Variants in PBLD observed in about 807,000 individuals in gnomAD.
PBLD encodes phenazine biosynthesis like protein domain containing.
A neutral mutation model predicts 31.3 loss-of-function variants in PBLD; 26 were observed. That is an observed-to-expected ratio of 0.83 (90% CI 0.61 to 1.15). The LOEUF (loss-of-function observed/expected upper bound fraction) is 1.15, where lower values mean the gene tolerates loss of function less well. PBLD is among the 50% of genes most tolerant of loss of function. PBLD has a pLI of 0.00. For missense variants in PBLD, 307 were observed against 351.7 expected (o/e 0.87, Z 1.02); for synonymous variants, 114 against 129.0 (o/e 0.88, Z 0.79).
At chr10:68,319,047 A>AGAGAG (rs1564737339) in intron 1 of PBLD, among the ~76,000 whole-genome samples, 2 of 111,246 alleles carry the variant, frequency 1.8e-5, no homozygotes, top group African/African-American at 3.2e-5. Flanking sequence ...GAAAGAAAGA[A>AGAGAG]AGAGAGAGAA....
At chr10:68,326,587 C>G (rs2044924180) in intron 1 of PBLD, among the ~76,000 whole-genome samples, 4 of 152,190 alleles carry the variant, frequency 2.6e-5, no homozygotes, top group African/African-American at 9.7e-5. Context: ...TTTAAAAATT[C>G]TATTAAATTC....
chr10:68,288,914 G>A lies in PBLD; in HGVS notation c.512+17C>T, dbSNP rs1368355391. On this transcript the variant is annotated intron_variant, in intron 7 of 9. Coordinates refer to ENST00000358769, the MANE Select transcript of PBLD (RefSeq NM_022129.4). ...ACTCAGCCCTCCCCAAAGTGCTGATGCAGCCAAAAATCTTACCTGTTGTAA... is the reference window on the plus strand; with the variant it reads ...ACTCAGCCCTCCCCAAAGTGCTGATACAGCCAAAAATCTTACCTGTTGTAA... The A allele has an allele frequency of 3.1e-6, 5 of 1,610,938 alleles. No homozygotes were observed. Among genetic ancestry groups the A allele is most frequent in the East Asian group, 4.5e-5 (2 of 44,872 alleles).
chr10:68,288,626 T>C lies in PBLD; in HGVS notation c.548A>G (p.Asn183Ser). 6.2e-7 allele frequency: 1 copy of C among 1,614,160 alleles called. No individual in the cohort carries two copies. ...CCCTGTGTTTTCAACTTGCAGCAGA[T>C]TCTCCGTGTTCACTTTCAGGTTCTC... ...FLENLKVNTE[N>S]LLQVENTGKV... Residue 183 changes from asparagine (N) to serine (S), a missense_variant, in exon 8 of 10, where the codon AAT (asparagine) becomes AGT (serine). By Grantham distance (46) the Asn-to-Ser change is conservative. Transcript: ENST00000358769.
rs150886789 is a variant in PBLD at position 68,322,296 on chromosome 10, A to G, written c.-60+10488T>C. On this transcript the variant is annotated intron_variant, in intron 1 of 9. Transcript: ENST00000358769. ...AATGTAATGTGGTATCCTGGATGGG[A>G]TCCTGGAACAGAAAAAGGACATTAG... Among the ~76,000 whole-genome samples, 1,092 of 152,216 alleles carry G rather than the reference A, an allele frequency of 7.2e-3. 15 individuals carry two copies. The highest frequency in any genetic ancestry group is 0.024 in the African/African-American group (1,016 of 41,508).
chr10:68,309,069 T>C (rs2044623954), intron 1 of PBLD, among the ~76,000 whole-genome samples: 1 of 150,328 alleles, frequency 6.7e-6, no homozygotes, highest in South Asian at 2.1e-4. Flanking sequence ...ACAGTTTTCC[T>C]GTCACTGCAG....
chr10:68,309,811 A>C (rs556100287), intron 1 of PBLD, among the ~76,000 whole-genome samples: 1 of 135,412 alleles, frequency 7.4e-6, no homozygotes, highest in African/African-American at 2.6e-5. Context: ...GTCTCAAAAA[A>C]AAAAAAAAAA....
chr10:68,284,241 G>C lies in PBLD; in HGVS notation c.803C>G (p.Pro268Arg). 1 of 1,614,038 alleles carries C rather than the reference G, an allele frequency of 6.2e-7. No individual in the cohort carries two copies. The highest frequency in any genetic ancestry group is 8.5e-7 in the Non-Finnish European group (1 of 1,179,984). ...TCCTCTAATGTCAACCCTTCCGTCTGGACGAAGGGAAATTCCCAGCTCTCC... is the reference window on the plus strand; with the variant it reads ...TCCTCTAATGTCAACCCTTCCGTCTCGACGAAGGGAAATTCCCAGCTCTCC... ...RGGELGISLR[P>R]DGRVDIRGGA... Residue 268 changes from proline (P) to arginine (R), a missense_variant, in exon 10 of 10, where the codon CCA becomes CGA. Pro to Arg is a moderately radical substitution (Grantham distance 103). Coordinates refer to ENST00000358769, the MANE Select transcript of PBLD (RefSeq NM_022129.4).
At chr10:68,318,436 G>A (rs982646087) in intron 1 of PBLD, among the ~76,000 whole-genome samples, 4 of 148,066 alleles carry the variant, frequency 2.7e-5, no homozygotes, top group African/African-American at 5.0e-5. Flanking sequence ...GAGGCTGGAG[G>A]TTCCCTTGAG....
rs545796235 is a variant in PBLD at position 68,299,061 on chromosome 10, C to T, written c.85-2076G>A. Among the ~76,000 whole-genome samples the T allele has an allele frequency of 1.6e-4, 23 of 143,724 alleles. No homozygotes were observed. In the East Asian group the frequency reaches 4.6e-3, roughly 29 times the overall value. 94.3% of individuals were successfully genotyped at this position (143,724 alleles called of 152,430 possible). A position where few individuals can be genotyped will look rare whatever the true frequency, so the allele number is the denominator to read the frequency against. On this transcript the variant is annotated intron_variant, in intron 2 of 9. Transcript: ENST00000358769. ...GGCAGAGGTGGCAGTGAGCCAAGAT[C>T]GCGCCACTGCACTCCAGCCTGGGTG...
At chr10:68,293,538 C>T (rs1219214766) in intron 4 of PBLD, among the ~76,000 whole-genome samples, 3 of 152,192 alleles carry the variant, frequency 2.0e-5, no homozygotes, top group African/African-American at 7.2e-5. Context: ...ATAAAATTGA[C>T]ATTCAGAAAC....
Position 68,332,838 on chromosome 10 carries a change from G to T in PBLD, c.-114C>A, listed in dbSNP as rs1433446164. The T allele has an allele frequency of 1.3e-5, 2 of 152,414 alleles. No individual in the cohort carries two copies. Among genetic ancestry groups the T allele is most frequent in the Non-Finnish European group, 2.9e-5 (2 of 68,188 alleles). 9.4% of individuals were successfully genotyped at this position (152,414 alleles called of 1,614,324 possible). The stretch of plus-strand genomic sequence containing the variant: ...GACGCAGATTCCCAAGATGAGAGAG[G>T]CTGGAGCTGGGGGAGGAAAGCCAAT... On this transcript the variant is annotated 5_prime_UTR_variant, in exon 1 of 10. Transcript: ENST00000358769.
intron 6 of PBLD, among the ~76,000 whole-genome samples, chr10:68,290,315 C>A (rs1255338249): frequency 6.6e-6 from 1 of 152,136 alleles, no homozygotes; most frequent in Non-Finnish European, 1.5e-5. Context: ...ATGGGCTGAC[C>A]AATGTAACTT....
At position 68,282,898 on chromosome 10, in the gene PBLD, C is replaced by T. The variant is rs1279142595; in HGVS notation, c.*1279G>A. ...AACACTCTTAATGACTTGAAAAAGT[C>T]CCCATCCCAAAGTCAACTATAGGTA... On this transcript the variant is annotated 3_prime_UTR_variant, in exon 10 of 10. Coordinates refer to ENST00000358769, the MANE Select transcript of PBLD (RefSeq NM_022129.4). 6.6e-6 allele frequency: 1 copy of T among 152,060 alleles called. No individual in the cohort carries two copies. The highest frequency in any genetic ancestry group is 1.5e-5 in the Non-Finnish European group (1 of 68,024). The allele number at this position is 152,060 out of a possible 1,614,324, so 9.4% of individuals were successfully genotyped here. A position where few individuals can be genotyped will look rare whatever the true frequency, so the allele number is the denominator to read the frequency against.
rs1427919683 is a variant in PBLD at position 68,285,132 on chromosome 10, A to G, written c.754+216T>C. 2.9e-6 allele frequency: 4 copies of G among 1,364,482 alleles called. No homozygotes were observed. The African/African-American group carries it at 5.9e-5, about 20-fold the overall frequency. The allele number at this position is 1,364,482 out of a possible 1,614,324, so 84.5% of individuals were successfully genotyped here. On this transcript the variant is annotated intron_variant, in intron 9 of 9. Coordinates refer to ENST00000358769, the MANE Select transcript of PBLD (RefSeq NM_022129.4). ...CAAACACTTATTGGGCAGTTACTGT[A>G]TCTGTGTCTGTACAGTCTCTGTATG...
Position 68,289,404 on chromosome 10 carries a change from G to A in PBLD, c.424-385C>T, listed in dbSNP as rs186094620. On this transcript the variant is annotated intron_variant, in intron 6 of 9. Coordinates refer to ENST00000358769, the MANE Select transcript of PBLD (RefSeq NM_022129.4). ...TAGTCGGGCATGGTGGTGCACTCCT[G>A]TAATCTCAGCTACTCGGGAGGCTGA... 3.9e-4 allele frequency among the ~76,000 whole-genome samples: 60 copies of A among 152,166 alleles called. 2 individuals carry two copies. The East Asian group carries it at 9.1e-3, about 23-fold the overall frequency.
chr10:68,286,693 ACTT>A (rs1179451162), intron 8 of PBLD, among the ~76,000 whole-genome samples: 3 of 152,286 alleles, frequency 2.0e-5, no homozygotes, highest in South Asian at 2.1e-4. Context: ...CACCAAAAGA[ACTT>A]CTTTTTTAGT....
intron 1 of PBLD, among the ~76,000 whole-genome samples, chr10:68,308,882 T>TGTGTGTGTGTTTG (rs1480555644): frequency 1.7e-5 from 1 of 57,890 alleles, no homozygotes; most frequent in Non-Finnish European, 3.7e-5. Context: ...GTGTGTGTGT[T>TGTGTGTGTGTTTG]TGTGTGTGTG....
Position 68,318,520 on chromosome 10 carries a change from C to CTT in PBLD, c.-59-11619_-59-11618dup, listed in dbSNP as rs199741376. On this transcript the variant is annotated intron_variant, in intron 1 of 9. Coordinates refer to ENST00000358769, the MANE Select transcript of PBLD (RefSeq NM_022129.4). ...AGCCTTGGTAACAGAGATCCTGTCT[C>CTT]TTTTAAAAAAAAAAAAAAGACAACT... is the stretch of plus-strand genomic sequence containing the variant. Among the ~76,000 whole-genome samples the CTT allele has an allele frequency of 5.6e-5, 8 of 143,850 alleles. No homozygotes were observed. In the Admixed American group the frequency reaches 5.7e-4, roughly 10 times the overall value. The allele number at this position is 143,850 out of a possible 152,430, so 94.4% of individuals were successfully genotyped here.
chr10:68,328,882 T>G (rs1033398884), intron 1 of PBLD, among the ~76,000 whole-genome samples: 2 of 152,150 alleles, frequency 1.3e-5, no homozygotes, highest in Non-Finnish European at 2.9e-5. Flanking sequence ...TTTGTTTGTT[T>G]GTTTGTTTGT....
Sources: allele counts gnomAD v4.1 joint callset (sites outside exome capture counted in the v4.1 genomes callset), GRCh38; gene constraint gnomAD v4.1.1; transcripts MANE v1.5; gene names NCBI Gene and HGNC (gene_info 2026-07-23, HGNC 2026-07-21).